Variants in NPAS3 observed in about 807,000 individuals in gnomAD.
The protein encoded by NPAS3 is neuronal PAS domain-containing protein 3.
Under a neutral mutation model 73.1 loss-of-function variants are expected in NPAS3, and 14 were observed. That is an observed-to-expected ratio of 0.19 (90% CI 0.13 to 0.30). The LOEUF (loss-of-function observed/expected upper bound fraction) is 0.30. Ranked by LOEUF, NPAS3 falls within the 10% of genes least tolerant of loss-of-function variation. NPAS3 has a pLI of 1.00. For missense variants in NPAS3, 1,096 were observed against 1,250.0 expected, an observed-to-expected ratio of 0.88 and a Z score of 1.86; for synonymous variants, 620 against 541.5, an observed-to-expected ratio of 1.14 and a Z score of -2.01.
chr14:32,950,667 A>T (rs1429827140), intron 1 of NPAS3, among the ~76,000 whole-genome samples: 2 of 152,098 alleles, frequency 1.3e-5, no homozygotes, highest in Admixed American at 1.3e-4. Context: ...TTTACCTCAG[A>T]ATGTTAAGAA....
intron 5 of NPAS3, among the ~76,000 whole-genome samples, chr14:33,564,507 G>A (rs192859543): frequency 5.1e-4 from 78 of 152,320 alleles, no homozygotes; most frequent in Middle Eastern, 3.4e-3. Context: ...ATAGCTGTGC[G>A]GAAGACCATC....
At chr14:33,163,526 A>G (rs1475048451) in intron 2 of NPAS3, among the ~76,000 whole-genome samples, 2 of 152,244 alleles carry the variant, frequency 1.3e-5, no homozygotes, top group East Asian at 1.9e-4. Flanking sequence ...TAAACGTTTT[A>G]GCTATTGATA....
At chr14:33,247,614 G>A (rs1357570243) in intron 3 of NPAS3, among the ~76,000 whole-genome samples, 1 of 152,042 alleles carries the variant, frequency 6.6e-6, no homozygotes, top group East Asian at 1.9e-4. Flanking sequence ...CTACAAGTTG[G>A]TCAAATGACC....
intron 4 of NPAS3, among the ~76,000 whole-genome samples, chr14:33,373,787 A>C (rs1299764508): frequency 6.6e-6 from 1 of 152,146 alleles, no homozygotes; most frequent in Non-Finnish European, 1.5e-5. Flanking sequence ...GAACATTCAA[A>C]CCCAAACCTG....
At chr14:33,739,499 G>A (rs2061603681) in intron 7 of NPAS3, among the ~76,000 whole-genome samples, 1 of 152,144 alleles carries the variant, frequency 6.6e-6, no homozygotes, top group South Asian at 2.1e-4. Flanking sequence ...AATTAGCTAA[G>A]GAAAATTATT....
intron 3 of NPAS3, among the ~76,000 whole-genome samples, chr14:33,345,799 G>A (rs1163961275): frequency 6.6e-6 from 1 of 152,152 alleles, no homozygotes; most frequent in Non-Finnish European, 1.5e-5. Context: ...TCGCATATCA[G>A]CTAAGTACTT....
In NPAS3 at chr14:33,737,865, C is replaced by T. The variant is rs191783515; in HGVS notation, c.852+2533C>T. On this transcript the variant is annotated intron_variant, in intron 7 of 11. Transcript: ENST00000356141. ...AAACAGTGATAATCATTTCTCTGTA[C>T]TCCCAATATTCCCCCTAATTTATGA... is the stretch of plus-strand genomic sequence containing the variant. Among the ~76,000 whole-genome samples the T allele has an allele frequency of 2.6e-4, 39 of 152,276 alleles. No homozygotes were observed. The East Asian group carries it at 7.1e-3, about 28-fold the overall frequency.
intron 3 of NPAS3, among the ~76,000 whole-genome samples, chr14:33,346,941 T>G (rs969104190): frequency 1.3e-5 from 2 of 152,150 alleles, no homozygotes; most frequent in Non-Finnish European, 2.9e-5. Context: ...TGCCAATATG[T>G]TTCCTCCAGG....
intron 6 of NPAS3, among the ~76,000 whole-genome samples, chr14:33,699,850 G>A (rs955586614): frequency 5.3e-5 from 8 of 152,034 alleles, no homozygotes; most frequent in Non-Finnish European, 1.0e-4. Context: ...CTGTTTTAGG[G>A]GCACAGCTCA....
chr14:33,402,440 C>T lies in NPAS3; in HGVS notation c.468+35172C>T, dbSNP rs974198509. ...CCTTTCAGGAGGTGCTTCTCTAACT[C>T]GGATGAATTGAATGGTGTGAGGGAC... On this transcript the variant is annotated intron_variant, in intron 4 of 11. Transcript: ENST00000356141. Among the ~76,000 whole-genome samples, 21 of 152,060 alleles carry T rather than the reference C, an allele frequency of 1.4e-4. No homozygotes were observed. The South Asian group carries it at 2.1e-3, about 15-fold the overall frequency.
At chr14:33,558,316 A>G (rs1410170023) in intron 4 of NPAS3, among the ~76,000 whole-genome samples, 1 of 151,942 alleles carries the variant, frequency 6.6e-6, no homozygotes, top group Non-Finnish European at 1.5e-5. Flanking sequence ...GCTGGAGTAC[A>G]GTGGCGTGAT....
intron 4 of NPAS3, among the ~76,000 whole-genome samples, chr14:33,454,419 A>G (rs763313023): frequency 1.4e-4 from 21 of 152,212 alleles, no homozygotes; most frequent in Non-Finnish European, 2.6e-4. Flanking sequence ...GAGGATAATA[A>G]ACAGACTCCA....
chr14:33,672,309 A>G (rs2059632000), intron 5 of NPAS3, among the ~76,000 whole-genome samples: 1 of 152,256 alleles, frequency 6.6e-6, no homozygotes, highest in South Asian at 2.1e-4. Context: ...TAATGTTATT[A>G]TTACAATGCC....
At chr14:33,390,623 A>G (rs2046961394) in intron 4 of NPAS3, among the ~76,000 whole-genome samples, 1 of 152,170 alleles carries the variant, frequency 6.6e-6, no homozygotes, top group Admixed American at 6.5e-5. Context: ...TACTGCACCA[A>G]GTATATGGAC....
At chr14:33,510,216 G>A (rs999720727) in intron 4 of NPAS3, among the ~76,000 whole-genome samples, 6 of 151,950 alleles carry the variant, frequency 3.9e-5, no homozygotes, top group African/African-American at 1.2e-4. Context: ...GTGGGACAGC[G>A]GTACTCAATT....
At chr14:33,276,842 T>A (rs2140040575) in intron 3 of NPAS3, among the ~76,000 whole-genome samples, 1 of 152,168 alleles carries the variant, frequency 6.6e-6, no homozygotes. Context: ...CATAGAAAAT[T>A]TTGTTTCTTC....
At chr14:33,575,904 AAG>A (rs1435468476) in intron 5 of NPAS3, among the ~76,000 whole-genome samples, 1 of 152,190 alleles carries the variant, frequency 6.6e-6, no homozygotes, top group Non-Finnish European at 1.5e-5. Context: ...AATGGAAGGA[AAG>A]AGAGAATGAG....
intron 5 of NPAS3, among the ~76,000 whole-genome samples, chr14:33,606,683 G>T (rs1173947377): frequency 6.6e-6 from 1 of 152,110 alleles, no homozygotes; most frequent in Non-Finnish European, 1.5e-5. Flanking sequence ...CCTTCGGTTA[G>T]ATAAAGATGT....
intron 1 of NPAS3, among the ~76,000 whole-genome samples, chr14:32,954,588 A>G (rs1446870549): frequency 6.6e-6 from 1 of 151,940 alleles, no homozygotes; most frequent in Non-Finnish European, 1.5e-5. Context: ...GGGCCCCTCC[A>G]TTTCCCCACA....
Sources: allele counts gnomAD v4.1 joint callset (sites outside exome capture counted in the v4.1 genomes callset), GRCh38; gene constraint gnomAD v4.1.1; transcripts MANE v1.5; gene names NCBI Gene and HGNC (gene_info 2026-07-23, HGNC 2026-07-21).